Variants in GIPC2 observed in about 807,000 individuals in gnomAD.
GIPC2 encodes the protein GIPC PDZ domain containing family member 2, also known as PDZ domain-containing protein GIPC2.
A neutral mutation model predicts 30.6 loss-of-function variants in GIPC2; 30 were observed. The ratio of observed to expected loss-of-function variants is 0.98; its 90% CI spans 0.73 to 1.33. GIPC2 has a LOEUF of 1.33. GIPC2 is among the 40% of genes most tolerant of loss of function. The pLI, the probability that GIPC2 is intolerant of heterozygous loss-of-function variation, is 0.00. For synonymous variants in GIPC2, 167 were observed against 150.0 expected, an observed-to-expected ratio of 1.11 and a Z score of -0.83; for missense variants, 414 against 390.3, an observed-to-expected ratio of 1.06 and a Z score of -0.51.
chr1:78,132,868 C>T (rs1345359146), intron 5 of GIPC2, among the ~76,000 whole-genome samples: 1 of 152,138 alleles, frequency 6.6e-6, no homozygotes, highest in Non-Finnish European at 1.5e-5. Flanking sequence ...AGCTAGCTTT[C>T]TTAACATGTG....
chr1:78,128,089 T>C (rs1662816369), intron 5 of GIPC2, among the ~76,000 whole-genome samples: 1 of 152,204 alleles, frequency 6.6e-6, no homozygotes, highest in Admixed American at 6.5e-5. Flanking sequence ...TGGAGAAAAA[T>C]ACAAAATTTT....
At chr1:78,123,276 AAAG>A (rs1216071902) in intron 4 of GIPC2, among the ~76,000 whole-genome samples, 7 of 150,862 alleles carry the variant, frequency 4.6e-5, no homozygotes, top group Admixed American at 1.3e-4. Context: ...AAAAAAAAAA[AAAG>A]GGTCAGGAAG....
chr1:78,105,346 G>A, intron 3 of GIPC2, among the ~76,000 whole-genome samples: 1 of 150,788 alleles, frequency 6.6e-6, no homozygotes, highest in East Asian at 1.9e-4. Context: ...GAGTGCAGTG[G>A]TGCGATCTCA....
chr1:78,089,645 C>T (rs1378675508), intron 2 of GIPC2, among the ~76,000 whole-genome samples: 2 of 151,908 alleles, frequency 1.3e-5, no homozygotes, highest in Non-Finnish European at 2.9e-5. Context: ...CATACGTGGC[C>T]CAGATGAAAC....
At chr1:78,054,950 C>T (rs1661259881) in intron 1 of GIPC2, among the ~76,000 whole-genome samples, 1 of 152,228 alleles carries the variant, frequency 6.6e-6, no homozygotes, top group African/African-American at 2.4e-5. Context: ...CACCTGCAAT[C>T]ACCAACCCAG....
chr1:78,050,755 C>T (rs1314066675), intron 1 of GIPC2, among the ~76,000 whole-genome samples: 3 of 152,016 alleles, frequency 2.0e-5, no homozygotes, highest in African/African-American at 7.3e-5. Flanking sequence ...CTGCCTCAAC[C>T]TCCTGAGTAG....
At chr1:78,081,356 T>A (rs1226053246) in intron 2 of GIPC2, among the ~76,000 whole-genome samples, 1 of 152,214 alleles carries the variant, frequency 6.6e-6, no homozygotes, top group Admixed American at 6.5e-5. Flanking sequence ...AAAAATGGCA[T>A]CTGTACTGAA....
chr1:78,061,044 C>A (rs907784981), intron 1 of GIPC2, among the ~76,000 whole-genome samples: 9 of 152,148 alleles, frequency 5.9e-5, no homozygotes, highest in African/African-American at 1.9e-4. Context: ...CTCATAGGGC[C>A]ACCAGGGAGT....
chr1:78,082,963 C>G (rs1442075172), intron 2 of GIPC2, among the ~76,000 whole-genome samples: 1 of 152,104 alleles, frequency 6.6e-6, no homozygotes, highest in Non-Finnish European at 1.5e-5. Context: ...TATATATACT[C>G]TTTACCCCTT....
At chr1:78,114,056 T>C (rs1662522554) in intron 3 of GIPC2, among the ~76,000 whole-genome samples, 1 of 152,168 alleles carries the variant, frequency 6.6e-6, no homozygotes, top group Non-Finnish European at 1.5e-5. Flanking sequence ...CCTGATTGCT[T>C]CTAGGCTATG....
At position 78,135,756 on chromosome 1, in the gene GIPC2, A is replaced by G. The variant is rs753665720; in HGVS notation, c.*13A>G. 8 of 1,594,468 alleles carry G rather than the reference A, an allele frequency of 5.0e-6. No homozygotes were observed. The highest frequency in any genetic ancestry group is 2.7e-5 in the African/African-American group (2 of 73,618). On this transcript the variant is annotated 3_prime_UTR_variant, in exon 6 of 6. Transcript: ENST00000370759. ...AAGAGGATTATGATGTGTACACTCC[A>G]TCTCTGAAGAAACAACCCATCGTTC...
chr1:78,128,825 A>G (rs1293201495), intron 5 of GIPC2, among the ~76,000 whole-genome samples: 2 of 151,948 alleles, frequency 1.3e-5, no homozygotes, highest in East Asian at 1.9e-4. Context: ...TGTCTCTACT[A>G]AAAAAACAAA....
intron 3 of GIPC2, chr1:78,112,399 C>A (rs1224221497): frequency 5.8e-6 from 3 of 518,746 alleles, no homozygotes; most frequent in African/African-American, 5.8e-5. Context: ...TCCATAGCAT[C>A]CCATTCTTCC....
At chr1:78,051,377 C>T (rs141167237) in intron 1 of GIPC2, among the ~76,000 whole-genome samples, 109 of 152,260 alleles carry the variant, frequency 7.2e-4, no homozygotes, top group African/African-American at 2.4e-3. Flanking sequence ...GATTAGTTTG[C>T]GTGTGATATT....
At chr1:78,072,446 G>A (rs1408494338) in intron 1 of GIPC2, among the ~76,000 whole-genome samples, 3 of 144,100 alleles carry the variant, frequency 2.1e-5, no homozygotes, top group East Asian at 2.5e-4. Flanking sequence ...CAATTATGTA[G>A]CATAAGACAC....
At chr1:78,055,375 G>A (rs1661269674) in intron 1 of GIPC2, among the ~76,000 whole-genome samples, 1 of 152,154 alleles carries the variant, frequency 6.6e-6, no homozygotes, top group Admixed American at 6.5e-5. Flanking sequence ...ATATTAAAAT[G>A]TATAGGGAGG....
rs761151150 is a variant in GIPC2 at position 78,135,650 on chromosome 1, A to G, written c.855A>G (p.Ala285=). ...DKVNPDEFAV[A]LDETLGDFAF... ...TAAATCCAGATGAATTTGCTGTGGC[A>G]CTTGACGAAACTCTTGGAGACTTTG... Residue 285 remains alanine, a synonymous_variant, in exon 6 of 6, where the codon GCA becomes GCG. Coordinates refer to ENST00000370759, the MANE Select transcript of GIPC2 (RefSeq NM_017655.6). 6.2e-7 allele frequency: 1 copy of G among 1,610,160 alleles called. No homozygotes were observed. Among genetic ancestry groups the G allele is most frequent in the Non-Finnish European group, 8.5e-7 (1 of 1,177,078 alleles).
At chr1:78,072,814 A>T (rs1440920384) in intron 1 of GIPC2, among the ~76,000 whole-genome samples, 1 of 151,734 alleles carries the variant, frequency 6.6e-6, no homozygotes, top group African/African-American at 2.4e-5. Flanking sequence ...CTCTCTTATT[A>T]TTATTTTTGA....
At chr1:78,069,620 C>T (rs896042491) in intron 1 of GIPC2, among the ~76,000 whole-genome samples, 4 of 151,724 alleles carry the variant, frequency 2.6e-5, no homozygotes, top group African/African-American at 4.8e-5. Flanking sequence ...ATTACAGGCA[C>T]CTGCCACCAC....
Sources: allele counts gnomAD v4.1 joint callset (sites outside exome capture counted in the v4.1 genomes callset), GRCh38; gene constraint gnomAD v4.1.1; transcripts MANE v1.5; gene names NCBI Gene and HGNC (gene_info 2026-07-23, HGNC 2026-07-21).